The following MESP1 variants were observed in gnomAD, a reference collection of about 807,000 sequenced individuals.
MESP1 encodes mesoderm posterior protein 1.
A neutral mutation model predicts 15.2 loss-of-function variants in MESP1; 22 were observed. The observed-to-expected ratio is 1.45, with a 90% CI of 1.04 to 2.07. The LOEUF is 2.07. MESP1 is among the 30% of genes most tolerant of loss of function. The probability of loss-of-function intolerance (pLI) is 0.00; values close to 1 mark genes in which losing one functional copy is unlikely to be tolerated. For synonymous variants in MESP1, 216 were observed against 192.6 expected, an observed-to-expected ratio of 1.12 and a Z score of -1.01; for missense variants, 484 against 411.9, an observed-to-expected ratio of 1.17 and a Z score of -1.51.
the MESP1 span, among the ~76,000 whole-genome samples, chr15:89,734,735 A>G: frequency 6.6e-6 from 1 of 152,172 alleles, no homozygotes; most frequent in Non-Finnish European, 1.5e-5. Flanking sequence ...CTGTAATCCA[A>G]GCACTTTGGG....
downstream of MESP1, among the ~76,000 whole-genome samples, chr15:89,748,103 G>T (rs1351895315): frequency 6.6e-6 from 1 of 152,248 alleles, no homozygotes; most frequent in Non-Finnish European, 1.5e-5. Flanking sequence ...CTGCAGGGAA[G>T]GGGGCTAGCC....
At chr15:89,732,976 C>T in the MESP1 span, 1 of 1,609,804 alleles carries the variant, frequency 6.2e-7, no homozygotes, top group Non-Finnish European at 8.5e-7. Context: ...ACCCCGTTTT[C>T]TGACCGGCTT....
At position 89,750,872 on chromosome 15, in the gene MESP1, C is replaced by A; in HGVS notation, c.360G>T (p.Leu120=). ...CCAGGCGCAGCGTCTCGATCTTGGT[C>A]AGGCTCTGGCCCGCGGGCGCCACGG... is the stretch of plus-strand genomic sequence containing the variant. The part of the protein sequence containing the change: ...PPSVAPAGQS[L]TKIETLRLAI... The change falls in exon 1 of 2, where the codon CTG becomes CTT. Residue 120 remains leucine, a synonymous_variant. Transcript: ENST00000300057. The A allele has an allele frequency of 6.6e-7, 1 of 1,524,778 alleles. No homozygotes were observed. Among genetic ancestry groups the A allele is most frequent in the Non-Finnish European group, 8.8e-7 (1 of 1,141,472 alleles). The allele number at this position is 1,524,778 out of a possible 1,614,324, so 94.5% of individuals were successfully genotyped here.
At chr15:89,744,868 C>T in the MESP1 span, among the ~76,000 whole-genome samples, 1 of 152,210 alleles carries the variant, frequency 6.6e-6, no homozygotes, top group African/African-American at 2.4e-5. Context: ...ACACCAGAAG[C>T]ACCCGGTGGA....
rs934858546 is a variant in MESP1 at position 89,751,057 on chromosome 15, C to T, written c.175G>A (p.Gly59Ser). 5 of 1,279,796 alleles carry T rather than the reference C, an allele frequency of 3.9e-6. No individual in the cohort carries two copies. Among genetic ancestry groups the T allele is most frequent in the Non-Finnish European group, 4.9e-6 (5 of 1,020,098 alleles). The allele number at this position is 1,279,796 out of a possible 1,614,324, so 79.3% of individuals were successfully genotyped here. A position where few individuals can be genotyped will look rare whatever the true frequency, so the allele number is the denominator to read the frequency against. ...DSPVASPARP[G>S]TLRDPRAPSV... ...GGGGCGCGGGGGTCCCGGAGGGTGC[C>T]TGGCCGCGCGGGGCTCGCCACGGGG... The change falls in exon 1 of 2, where the codon GGC becomes AGC. Residue 59 changes from glycine to serine, a missense_variant. By Grantham distance (56) the Gly-to-Ser change is moderately conservative. Coordinates refer to ENST00000300057, the MANE Select transcript of MESP1 (RefSeq NM_018670.4).
the MESP1 span, among the ~76,000 whole-genome samples, chr15:89,740,495 TTTTTTGTTTTTG>T: frequency 1.3e-5 from 2 of 151,704 alleles, no homozygotes; most frequent in African/African-American, 2.4e-5. Flanking sequence ...AGGGTTTTTG[TTTTTTGTTTTTG>T]TTTTTGTTTT....
At chr15:89,734,535 T>C in the MESP1 span, among the ~76,000 whole-genome samples, 2 of 152,206 alleles carry the variant, frequency 1.3e-5, no homozygotes, top group Non-Finnish European at 2.9e-5. Context: ...TAATGTCCCA[T>C]TGGGCAAAGC....
At chr15:89,746,343 C>G (rs1462334569), downstream of MESP1, among the ~76,000 whole-genome samples, 1 of 142,770 alleles carries the variant, frequency 7.0e-6, no homozygotes, top group Admixed American at 6.7e-5. Flanking sequence ...CTCCACACAT[C>G]CACACATCCA....
At chr15:89,739,683 G>A in the MESP1 span, among the ~76,000 whole-genome samples, 3 of 152,110 alleles carry the variant, frequency 2.0e-5, no homozygotes, top group African/African-American at 7.2e-5. Context: ...TCCTCGTCCC[G>A]GGCCTGCCAC....
chr15:89,745,961 ATCCACACCTCCACACATCCACACC>A (rs1967934577), downstream of MESP1, among the ~76,000 whole-genome samples: 2 of 146,008 alleles, frequency 1.4e-5, no homozygotes, highest in Non-Finnish European at 3.0e-5. The surrounding 1 kb of genome is among the most constrained non-coding windows in gnomAD (Gnocchi z 4.8). Flanking sequence ...ACCTCCACAC[ATCCACACCTCCACACATCCACACC>A]TCCACGCATA....
At chr15:89,741,322 C>CCGGGCT in the MESP1 span, among the ~76,000 whole-genome samples, 1 of 152,042 alleles carries the variant, frequency 6.6e-6, no homozygotes, top group Non-Finnish European at 1.5e-5. Context: ...CCTTGACTTC[C>CCGGGCT]CGGGCTCAGG....
the MESP1 span, among the ~76,000 whole-genome samples, chr15:89,735,230 G>T: frequency 1.3e-5 from 2 of 152,098 alleles, no homozygotes; most frequent in Non-Finnish European, 2.9e-5. Context: ...TTGTTCACAA[G>T]AGCCATACAT....
At chr15:89,742,513 T>C in the MESP1 span, among the ~76,000 whole-genome samples, 1 of 152,048 alleles carries the variant, frequency 6.6e-6, no homozygotes, top group Non-Finnish European at 1.5e-5. Flanking sequence ...ATGCACTTAT[T>C]ATTTTTTTTT....
chr15:89,740,209 C>A, the MESP1 span, among the ~76,000 whole-genome samples: 4 of 152,254 alleles, frequency 2.6e-5, no homozygotes, highest in African/African-American at 9.6e-5. Flanking sequence ...CAAGTTCATG[C>A]CTGGGAAAAT....
At position 89,750,986 on chromosome 15, in the gene MESP1, C is replaced by T. The variant is rs1259261929; in HGVS notation, c.246G>A (p.Gly82=). The T allele has an allele frequency of 5.7e-6, 8 of 1,406,138 alleles. No homozygotes were observed. The highest frequency in any genetic ancestry group is 3.2e-5 in the Admixed American group (1 of 31,536). The allele number at this position is 1,406,138 out of a possible 1,614,324, so 87.1% of individuals were successfully genotyped here. ...RGARSSRLGS[G]QRQSASEREK... ...CCCGCTCACTGGCGCTCTGCCTCTGCCCGCTGCCCAGGCGGCTGCTGCGCG... is the reference window on the plus strand; with the variant it reads ...CCCGCTCACTGGCGCTCTGCCTCTGTCCGCTGCCCAGGCGGCTGCTGCGCG... Residue 82 remains glycine (G), a synonymous_variant, in exon 1 of 2, where the codon GGG becomes GGA. Coordinates refer to ENST00000300057, the MANE Select transcript of MESP1 (RefSeq NM_018670.4).
downstream of MESP1, among the ~76,000 whole-genome samples, chr15:89,747,332 A>T (rs1227286147): frequency 6.6e-6 from 1 of 152,072 alleles, no homozygotes; most frequent in Non-Finnish European, 1.5e-5. Context: ...CCTGAGCCCA[A>T]ATTTTAAGCC....
At chr15:89,736,591 C>A in the MESP1 span, among the ~76,000 whole-genome samples, 1 of 152,086 alleles carries the variant, frequency 6.6e-6, no homozygotes, top group South Asian at 2.1e-4. Flanking sequence ...TGGGGACAGT[C>A]CTGCAAGCAG....
At chr15:89,747,096 C>CCA (rs1967982142), downstream of MESP1, among the ~76,000 whole-genome samples, 1 of 63,666 alleles carries the variant, frequency 1.6e-5, no homozygotes, top group Admixed American at 1.4e-4. Flanking sequence ...AGCCCCACTG[C>CCA]CACATACACA....
At chr15:89,744,055 C>T in the MESP1 span, among the ~76,000 whole-genome samples, 12 of 152,296 alleles carry the variant, frequency 7.9e-5, no homozygotes, top group South Asian at 2.1e-4. Context: ...AAAAAACAGA[C>T]GGAGGGGTCC....
Sources: gnomAD v4.1 joint callset for allele counts (sites outside exome capture counted in the v4.1 genomes callset) on GRCh38, gnomAD v4.1.1 for gene constraint, Gnocchi (gnomAD v3.1) non-coding constraint, MANE v1.5 for transcripts, NCBI Gene and HGNC (gene_info 2026-07-23, HGNC 2026-07-21) for gene names.